The following EGFR variants were observed in gnomAD, a reference collection of about 807,000 sequenced individuals.
EGFR encodes avian erythroblastic leukemia viral (v-erb-b) oncogene homolog.
Under a neutral mutation model 143.0 loss-of-function variants are expected in EGFR, and 58 were observed. That is an observed-to-expected ratio of 0.41 (90% CI 0.33 to 0.50). The LOEUF is 0.50. EGFR is among the 20% of genes least tolerant of loss of function. The probability of loss-of-function intolerance (pLI) is 0.39; values close to 1 mark genes in which losing one functional copy is unlikely to be tolerated. For synonymous variants in EGFR, 613 were observed against 594.4 expected, an observed-to-expected ratio of 1.03 and a Z score of -0.45; for missense variants, 1,307 against 1,579.0, an observed-to-expected ratio of 0.83 and a Z score of 2.92.
At chr7:55,109,079 T>C (rs1044349246) in intron 1 of EGFR, among the ~76,000 whole-genome samples, 2 of 152,188 alleles carry the variant, frequency 1.3e-5, no homozygotes, top group African/African-American at 2.4e-5. Flanking sequence ...GGGACAGCAT[T>C]TAGCAGAATG....
At chr7:55,057,895 A>G (rs1051523595) in intron 1 of EGFR, among the ~76,000 whole-genome samples, 3 of 152,260 alleles carry the variant, frequency 2.0e-5, no homozygotes, top group African/African-American at 4.8e-5. Flanking sequence ...CACTAAGTTC[A>G]TCTCACAAAA....
chr7:55,119,977 G>T (rs1413759582), intron 1 of EGFR, among the ~76,000 whole-genome samples: 1 of 152,268 alleles, frequency 6.6e-6, no homozygotes, highest in Non-Finnish European at 1.5e-5. Flanking sequence ...AGTTTGAGAA[G>T]TACTGGTCTC....
intron 1 of EGFR, among the ~76,000 whole-genome samples, chr7:55,080,818 T>C (rs1250906100): frequency 6.6e-6 from 1 of 152,220 alleles, no homozygotes; most frequent in Non-Finnish European, 1.5e-5. Flanking sequence ...ACTGTCTCTT[T>C]ATGTAAATTT....
chr7:55,020,379 G>T (rs1309218600), intron 1 of EGFR, among the ~76,000 whole-genome samples: 4 of 152,228 alleles, frequency 2.6e-5, no homozygotes, highest in African/African-American at 4.8e-5. Flanking sequence ...GCCACTGCAG[G>T]GGGGGATCGC....
intron 1 of EGFR, among the ~76,000 whole-genome samples, chr7:55,088,572 G>A (rs932301504): frequency 1.3e-5 from 2 of 152,188 alleles, no homozygotes; most frequent in African/African-American, 2.4e-5. Context: ...TTGTGTTAAG[G>A]TAATAATTCA....
At chr7:55,157,881 A>G (rs17289935) in intron 11 of EGFR, 128 bp downstream of exon 11, 257 of 926,472 alleles carry the variant, frequency 2.8e-4, no homozygotes, top group Middle Eastern at 1.5e-3. Flanking sequence ...CCCAAATGCT[A>G]TCTCACATGA....
In EGFR at chr7:55,154,031, C is replaced by T. The variant is rs146098757; in HGVS notation, c.768C>T (p.Asp256=). 2.7e-5 allele frequency: 44 copies of T among 1,614,088 alleles called. No individual in the cohort carries two copies. The highest frequency in any genetic ancestry group is 3.2e-5 in the Non-Finnish European group (38 of 1,180,042). Residue 256 remains aspartate (D), a synonymous_variant, in exon 7 of 28, where the codon GAC becomes GAT. Transcript: ENST00000275493. ...CATAGGTCTGCCGCAAATTCCGAGA[C>T]GAAGCCACGTGCAAGGACACCTGCC... ...SDCLVCRKFR[D]EATCKDTCPP...
intron 1 of EGFR, among the ~76,000 whole-genome samples, chr7:55,087,532 G>A (rs963864585): frequency 1.3e-5 from 2 of 152,220 alleles, no homozygotes; most frequent in African/African-American, 4.8e-5. Flanking sequence ...TGTGTAAAAT[G>A]TTTAAAAGGT....
intron 1 of EGFR, among the ~76,000 whole-genome samples, chr7:55,055,265 T>TA (rs1021557314): frequency 2.6e-5 from 4 of 152,162 alleles, no homozygotes; most frequent in Non-Finnish European, 5.9e-5. Context: ...CTGGGACCCT[T>TA]AAAAAAATCT....
intron 14 of EGFR, 117 bp downstream of exon 14, chr7:55,163,940 C>G (rs953368178): frequency 8.6e-7 from 1 of 1,163,248 alleles, no homozygotes; most frequent in African/African-American, 1.5e-5. Flanking sequence ...AGAGCCACTT[C>G]CCAGAGGAGA....
chr7:55,131,755 G>T (rs144315447), intron 1 of EGFR, among the ~76,000 whole-genome samples: 1 of 152,172 alleles, frequency 6.6e-6, no homozygotes, highest in Non-Finnish European at 1.5e-5. Flanking sequence ...GCCCTGGGGT[G>T]TCCAGCATGC....
intron 19 of EGFR, among the ~76,000 whole-genome samples, chr7:55,176,540 T>C (rs370131040): frequency 6.6e-6 from 1 of 152,060 alleles, no homozygotes; most frequent in East Asian, 1.9e-4. Flanking sequence ...GGCAACATAC[T>C]GAGACCCAGT....
At chr7:55,033,702 G>A (rs766271294) in intron 1 of EGFR, among the ~76,000 whole-genome samples, 5 of 152,140 alleles carry the variant, frequency 3.3e-5, no homozygotes, top group South Asian at 2.1e-4. Flanking sequence ...CTGGGAAGTC[G>A]CCAAGAGCCA....
At chr7:55,089,442 T>C (rs1453907011) in intron 1 of EGFR, among the ~76,000 whole-genome samples, 2 of 152,224 alleles carry the variant, frequency 1.3e-5, no homozygotes, top group African/African-American at 2.4e-5. Context: ...TTAATATATA[T>C]CCAGAACCCC....
chr7:55,080,272 A>G (rs1310245717), intron 1 of EGFR, among the ~76,000 whole-genome samples: 2 of 152,120 alleles, frequency 1.3e-5, no homozygotes, highest in East Asian at 3.9e-4. Context: ...CTTAATAGTT[A>G]TAATAATCAG....
At chr7:55,145,729 T>G (rs1041900855) in intron 3 of EGFR, among the ~76,000 whole-genome samples, 2 of 152,212 alleles carry the variant, frequency 1.3e-5, no homozygotes, top group African/African-American at 4.8e-5. Context: ...TGCACCATTG[T>G]GAGAATGAAT....
rs766533982 is a variant in EGFR at position 55,181,289 on chromosome 7, C to T, written c.2284-4C>T. On this transcript the variant is annotated splice_region_variant and splice_polypyrimidine_tract_variant and intron_variant, in intron 19 of 27. Transcript: ENST00000275493. ...CACACTGACGTGCCTCTCCCTCCCT[C>T]CAGGAAGCCTACGTGATGGCCAGCG... The T allele has an allele frequency of 6.2e-7, 1 of 1,614,122 alleles. No individual in the cohort carries two copies. The highest frequency in any genetic ancestry group is 8.5e-7 in the Non-Finnish European group (1 of 1,180,048).
chr7:55,101,242 G>T (rs533700389), intron 1 of EGFR, among the ~76,000 whole-genome samples: 2 of 152,316 alleles, frequency 1.3e-5, no homozygotes, highest in African/African-American at 4.8e-5. Context: ...TGGGACCTAA[G>T]TCCTCGTCAT....
At chr7:55,146,783 G>A (rs2128929755) in intron 4 of EGFR, 43 bp downstream of exon 4, 1 of 1,613,458 alleles carries the variant, frequency 6.2e-7, no homozygotes, top group Non-Finnish European at 8.5e-7. Context: ...AGCTCCTATG[G>A]GGGACAGCTC....
Sources: allele counts gnomAD v4.1 joint callset (sites outside exome capture counted in the v4.1 genomes callset), GRCh38; gene constraint gnomAD v4.1.1; transcripts MANE v1.5; gene names NCBI Gene and HGNC (gene_info 2026-07-23, HGNC 2026-07-21).